GNG7: variants seen among roughly 807,000 people sequenced by gnomAD.
The protein encoded by GNG7 is G protein subunit gamma 7.
Under a neutral mutation model 4.0 loss-of-function variants are expected in GNG7, and 1 was observed. The ratio of observed to expected loss-of-function variants is 0.25; its 90% CI spans 0.09 to 1.18. The LOEUF (loss-of-function observed/expected upper bound fraction) is 1.18, where lower values mean the gene tolerates loss of function less well. Among genes scored for constraint, GNG7 ranks in the 50% most tolerant of loss-of-function variants. The probability of loss-of-function intolerance (pLI) is 0.50; values close to 1 mark genes in which losing one functional copy is unlikely to be tolerated. For missense variants in GNG7, 86 were observed against 91.9 expected (o/e 0.94, Z 0.26); for synonymous variants, 34 against 36.9 (o/e 0.92, Z 0.29).
chr19:2,568,415 TAGAC>T (rs1345331471), intron 2 of GNG7, among the ~76,000 whole-genome samples: 3 of 62,228 alleles, frequency 4.8e-5, no homozygotes, highest in African/African-American at 1.7e-4. Context: ...CATATACACA[TAGAC>T]ATACACACAT....
At chr19:2,698,428 G>A (rs1171010781) in intron 1 of GNG7, among the ~76,000 whole-genome samples, 1 of 152,100 alleles carries the variant, frequency 6.6e-6, no homozygotes, top group Non-Finnish European at 1.5e-5. Flanking sequence ...GCCGGGTGCA[G>A]TGGTGTACGC....
intron 2 of GNG7, among the ~76,000 whole-genome samples, chr19:2,627,424 C>T (rs1982048888): frequency 6.6e-6 from 1 of 152,200 alleles, no homozygotes; most frequent in Admixed American, 6.5e-5. Context: ...GGCCGCCTCT[C>T]CTCCCACTTC....
intron 2 of GNG7, among the ~76,000 whole-genome samples, chr19:2,637,820 G>A (rs1982356685): frequency 6.6e-6 from 1 of 152,170 alleles, no homozygotes; most frequent in African/African-American, 2.4e-5. Flanking sequence ...GATGTCCCCT[G>A]GAGGCAGAAT....
chr19:2,559,959 T>G (rs926963099), intron 2 of GNG7, among the ~76,000 whole-genome samples: 1 of 152,058 alleles, frequency 6.6e-6, no homozygotes, highest in African/African-American at 2.4e-5. Flanking sequence ...GCACGATGCC[T>G]GGGGCCACTG....
At chr19:2,664,784 C>T (rs539482105) in intron 1 of GNG7, among the ~76,000 whole-genome samples, 2 of 152,216 alleles carry the variant, frequency 1.3e-5, no homozygotes, top group South Asian at 4.1e-4. Context: ...CGTGGACATT[C>T]AGAGCTGGGT....
At chr19:2,662,756 C>T (rs1008641080) in intron 1 of GNG7, among the ~76,000 whole-genome samples, 16 of 152,062 alleles carry the variant, frequency 1.1e-4, no homozygotes, top group Non-Finnish European at 1.9e-4. Flanking sequence ...TGACTGATCG[C>T]GTCACTGGCC....
intron 1 of GNG7, among the ~76,000 whole-genome samples, chr19:2,676,906 A>G (rs1983608979): frequency 6.6e-6 from 1 of 152,010 alleles, no homozygotes; most frequent in Non-Finnish European, 1.5e-5. Context: ...GAAACAAGCC[A>G]CTTGCTCCGA....
At chr19:2,680,641 T>C (rs1202841370) in intron 1 of GNG7, among the ~76,000 whole-genome samples, 1 of 149,516 alleles carries the variant, frequency 6.7e-6, no homozygotes, top group East Asian at 2.0e-4. Context: ...AATGGTGAGA[T>C]CTCAGCCCAC....
intron 1 of GNG7, among the ~76,000 whole-genome samples, chr19:2,697,909 T>C (rs1599467413): frequency 6.7e-6 from 1 of 148,774 alleles, no homozygotes; most frequent in Non-Finnish European, 1.5e-5. Flanking sequence ...GAGGCGGAGG[T>C]TGCAATGAGA....
rs1000255619 is a variant in GNG7, at chr19:2,553,686, T to C, written c.-38+1463A>G. Among the ~76,000 whole-genome samples the C allele has an allele frequency of 8.9e-5, 11 of 123,436 alleles. 1 individual carries two copies. The highest frequency in any genetic ancestry group is 2.4e-4 in the African/African-American group (8 of 33,014). 81.0% of individuals were successfully genotyped at this position (123,436 alleles called of 152,430 possible). On this transcript the variant is annotated intron_variant, in intron 3 of 4. Coordinates refer to ENST00000382159, the MANE Select transcript of GNG7 (RefSeq NM_052847.3). ...ACACGTTACATGTAATATGTTATAT[T>C]ACACACATGTGCACATTACATATAA...
Position 2,581,132 on chromosome 19 carries a change from G to A in GNG7, c.-77-25944C>T, listed in dbSNP as rs541058805. On this transcript the variant is annotated intron_variant, in intron 2 of 4. Coordinates refer to ENST00000382159, the MANE Select transcript of GNG7 (RefSeq NM_052847.3). The stretch of plus-strand genomic sequence containing the variant: ...GTCTTCCCCTCATATCAGGCCTCAA[G>A]AAAGACTTCCATGAACGCTGTGGGA... Among the ~76,000 whole-genome samples the A allele has an allele frequency of 6.1e-3, 923 of 152,170 alleles. 10 individuals are homozygous for A. The highest frequency in any genetic ancestry group is 0.021 in the African/African-American group (869 of 41,502).
chr19:2,632,588 C>CAGGGA (rs1255285376), intron 2 of GNG7: 1 of 152,266 alleles, frequency 6.6e-6, no homozygotes, highest in Non-Finnish European at 1.5e-5. Flanking sequence ...AAGTCTCTCA[C>CAGGGA]CGTCAGCACT....
At chr19:2,597,030 G>A (rs1465757461) in intron 2 of GNG7, among the ~76,000 whole-genome samples, 3 of 151,996 alleles carry the variant, frequency 2.0e-5, no homozygotes, top group Non-Finnish European at 4.4e-5. Flanking sequence ...AGGCTGAGGT[G>A]GGAAGATCAC....
chr19:2,610,146 TTTATTA>T (rs974462565), intron 2 of GNG7: 3 of 149,400 alleles, frequency 2.0e-5, no homozygotes, highest in Non-Finnish European at 4.4e-5. Flanking sequence ...ACCTTCTTTA[TTTATTA>T]TTATTATTAA....
In GNG7 at chr19:2,609,793, T is replaced by A. The variant is rs1341974826; in HGVS notation, c.-78+36431A>T. ...GCTCACAGCTGCAGACTGGCCACCG[T>A]AGGACAATCCAGTGGGACCTGGGGG... On this transcript the variant is annotated intron_variant, in intron 2 of 4. Transcript: ENST00000382159. The surrounding 1 kb of genome is among the most constrained non-coding windows in gnomAD (Gnocchi z 4.4). 6.6e-6 allele frequency among the ~76,000 whole-genome samples: 1 copy of A among 152,130 alleles called. No homozygotes were observed. Among genetic ancestry groups the A allele is most frequent in the Admixed American group, 6.6e-5 (1 of 15,264 alleles).
At chr19:2,702,522 C>T (rs957694412) in intron 1 of GNG7, 124 bp downstream of exon 1, 11 of 152,204 alleles carry the variant, frequency 7.2e-5, no homozygotes, top group Admixed American at 1.3e-4. Context: ...CAGACCCAGC[C>T]CCCCTCCTCA....
chr19:2,546,478 G>T lies in GNG7; in HGVS notation c.-38+8671C>A, dbSNP rs1274646078. Among the ~76,000 whole-genome samples the T allele has an allele frequency of 6.6e-6, 1 of 152,260 alleles. No homozygotes were observed. Among genetic ancestry groups the T allele is most frequent in the East Asian group, 1.9e-4 (1 of 5,200 alleles). ...CCACATGGAAGGGAGGGCCGCACTG[G>T]CTGGAAAATAGTGCCTTGTGACTGT... On this transcript the variant is annotated intron_variant, in intron 3 of 4. Transcript: ENST00000382159. This position sits in a 1 kb window ranked among gnomAD's most constrained non-coding sequence, Gnocchi z 6.3.
chr19:2,536,917 A>AAT (rs536142278), intron 3 of GNG7, among the ~76,000 whole-genome samples: 233 of 151,144 alleles, frequency 1.5e-3, no homozygotes, highest in African/African-American at 5.5e-3. Context: ...CAGATAATAA[A>AAT]ATATATATAC....
At chr19:2,683,240 A>C (rs1015580826) in intron 1 of GNG7, among the ~76,000 whole-genome samples, 1 of 84,122 alleles carries the variant, frequency 1.2e-5, no homozygotes, top group Non-Finnish European at 2.3e-5. Context: ...CTCCGTCTCA[A>C]AAAAAAAAAA....
Sources: gnomAD v4.1 joint callset for allele counts (sites outside exome capture counted in the v4.1 genomes callset) on GRCh38, gnomAD v4.1.1 for gene constraint, Gnocchi (gnomAD v3.1) non-coding constraint, MANE v1.5 for transcripts, NCBI Gene and HGNC (gene_info 2026-07-23, HGNC 2026-07-21) for gene names.